KIF21A: variants seen among roughly 807,000 people sequenced by gnomAD.
KIF21A encodes the protein kinesin-like protein KIF21A.
In KIF21A, 114 loss-of-function variants were observed where a neutral mutation model predicts 202.9. The ratio of observed to expected loss-of-function variants is 0.56; its 90% CI spans 0.48 to 0.66. KIF21A has a LOEUF of 0.66. Ranked by LOEUF, KIF21A falls within the 30% of genes least tolerant of loss-of-function variation. The pLI is 0.00. For missense variants in KIF21A, 1,677 were observed against 1,994.9 expected (o/e 0.84, Z 3.04); for synonymous variants, 667 against 670.8 (o/e 0.99, Z 0.09).
Position 39,436,449 on chromosome 12 carries a change from T to TATA in KIF21A, c.44+6477_44+6478insTAT, listed in dbSNP as rs1491365902. On this transcript the variant is annotated intron_variant, in intron 1 of 37. Transcript: ENST00000361418. Reference sequence around the variant, plus strand: ...ATATATATATATATATATATATATATTTTTTTTTTTTTTAGACAGGGTTTC... The same window carrying TATA: ...ATATATATATATATATATATATATATATATTTTTTTTTTTTTAGACAGGGTTTC... 5.2e-3 allele frequency among the ~76,000 whole-genome samples: 453 copies of TATA among 86,778 alleles called. 4 individuals carry two copies. The highest frequency in any genetic ancestry group is 0.011 in the Middle Eastern group (2 of 182). The allele number at this position is 86,778 out of a possible 152,430, so 56.9% of individuals were successfully genotyped here.
chr12:39,329,906 T>A (rs954750422), intron 24 of KIF21A: 3 of 229,470 alleles, frequency 1.3e-5, no homozygotes, highest in Non-Finnish European at 2.6e-5. Flanking sequence ...ATAGATATAT[T>A]TAAAAATTTT....
intron 1 of KIF21A, among the ~76,000 whole-genome samples, chr12:39,419,132 G>T (rs1272528844): frequency 6.6e-6 from 1 of 152,168 alleles, no homozygotes; most frequent in Non-Finnish European, 1.5e-5. Flanking sequence ...TGACATGGAA[G>T]GGTATGGTTT....
At chr12:39,434,539 AG>A (rs1938414120) in intron 1 of KIF21A, among the ~76,000 whole-genome samples, 1 of 152,226 alleles carries the variant, frequency 6.6e-6, no homozygotes, top group African/African-American at 2.4e-5. Flanking sequence ...TCTCAAATCC[AG>A]GGGAGAATTA....
Position 39,341,617 on chromosome 12 carries a change from T to G in KIF21A, c.1809A>C (p.Glu603Asp). The G allele has an allele frequency of 6.2e-7, 1 of 1,607,334 alleles. No individual in the cohort carries two copies. Among genetic ancestry groups the G allele is most frequent in the Non-Finnish European group, 8.5e-7 (1 of 1,176,846 alleles). ...CCTCATGATCACTCACTTCTTGACT[T>G]TCTTCCTAAAATGTGATTTGTAAAA... ...ERENNELEVE[E>D]SQEVSDHEDE... The change falls in exon 14 of 38, where the codon GAA becomes GAC. Residue 603 changes from glutamate (E) to aspartate (D), a missense_variant. Around this residue, in one of 3 missense-constraint regions of KIF21A, gnomAD observed 966 missense variants for 1,180.9 expected, o/e 0.82. Transcript: ENST00000361418.
intron 1 of KIF21A, among the ~76,000 whole-genome samples, chr12:39,433,743 C>A (rs770898001): frequency 2.4e-4 from 37 of 152,154 alleles, no homozygotes; most frequent in Non-Finnish European, 4.0e-4. Context: ...ATAGTGAATT[C>A]TAATAAACTA....
rs1240274131 is a variant in KIF21A, at chr12:39,397,310, A to C, written c.45-27049T>G. ...AATTGATGGGAAATAATACTAAATTATTTTAAATTATAATGTCTACAGCAG... is the reference window on the plus strand; with the variant it reads ...AATTGATGGGAAATAATACTAAATTCTTTTAAATTATAATGTCTACAGCAG... On this transcript the variant is annotated intron_variant, in intron 1 of 37. Transcript: ENST00000361418. Among the ~76,000 whole-genome samples, 3 of 152,180 alleles carry C rather than the reference A, an allele frequency of 2.0e-5. No homozygotes were observed. The East Asian group carries it at 5.8e-4, about 29-fold the overall frequency.
intron 1 of KIF21A, among the ~76,000 whole-genome samples, chr12:39,372,609 A>G (rs1950033910): frequency 6.6e-6 from 1 of 152,228 alleles, no homozygotes; most frequent in African/African-American, 2.4e-5. Context: ...GTGTACTGTA[A>G]TACATATTAA....
rs986920207 is a variant in KIF21A at position 39,442,922 on chromosome 12, C to T, written c.44+5G>A. 9.7e-5 allele frequency: 148 copies of T among 1,525,416 alleles called. No individual in the cohort carries two copies. The highest frequency in any genetic ancestry group is 1.3e-4 in the Non-Finnish European group (145 of 1,143,116). The allele number at this position is 1,525,416 out of a possible 1,614,324, so 94.5% of individuals were successfully genotyped here. On this transcript the variant is annotated splice_donor_5th_base_variant and intron_variant, in intron 1 of 37. Coordinates refer to ENST00000361418, the MANE Select transcript of KIF21A (RefSeq NM_001173464.2). This position sits in a 1 kb window ranked among gnomAD's most constrained non-coding sequence, Gnocchi z 5.0. ...CGCCGCCCGCCGCCGGCAGACTGTC[C>T]TCACCTGACAGCCACCCGCACGGAG... is the stretch of plus-strand genomic sequence containing the variant.
intron 16 of KIF21A, among the ~76,000 whole-genome samples, chr12:39,337,821 T>G (rs1947108681): frequency 6.6e-6 from 1 of 152,180 alleles, no homozygotes; most frequent in Admixed American, 6.5e-5. Context: ...TGTAATAATG[T>G]CATAACATCA....
chr12:39,401,636 A>C (rs1468029226), intron 1 of KIF21A, among the ~76,000 whole-genome samples: 1 of 152,180 alleles, frequency 6.6e-6, no homozygotes, highest in Non-Finnish European at 1.5e-5. Flanking sequence ...CATGGGAGGA[A>C]CGCTTGGCTA....
chr12:39,326,821 C>T (rs998186046), intron 24 of KIF21A, among the ~76,000 whole-genome samples: 1 of 152,090 alleles, frequency 6.6e-6, no homozygotes, highest in Non-Finnish European at 1.5e-5. Context: ...TGCCTACATA[C>T]AGAGAGAAGG....
At chr12:39,388,686 A>G (rs1330012732) in intron 1 of KIF21A, among the ~76,000 whole-genome samples, 1 of 152,174 alleles carries the variant, frequency 6.6e-6, no homozygotes, top group East Asian at 1.9e-4. Context: ...TAACTTACAC[A>G]TGCTTATAAA....
At chr12:39,323,014 A>G in intron 26 of KIF21A, 132 bp from the exon 27 acceptor site, 1 of 550,602 alleles carries the variant, frequency 1.8e-6, no homozygotes, top group Non-Finnish European at 2.9e-6. Flanking sequence ...TGCCAAACAT[A>G]GCATGTGAGA....
Position 39,303,040 on chromosome 12 carries a change from T to C in KIF21A, c.4656A>G (p.Gln1552=), listed in dbSNP as rs1176060220. ...TAGACCCACTAAATAGGTTATCCCC[T>C]TGAATGGTTAGTGCTTCTATGCCAT... ...HYDGIEALTI[Q]GDNLFSGSRD... is the part of the protein sequence containing the mutation. The change falls in exon 36 of 38, where the codon CAA becomes CAG. Residue 1552 remains glutamine (Q), a synonymous_variant. Transcript: ENST00000361418. The C allele has an allele frequency of 1.9e-6, 3 of 1,614,032 alleles. No homozygotes were observed. The highest frequency in any genetic ancestry group is 2.7e-5 in the African/African-American group (2 of 75,044).
At chr12:39,415,315 C>T (rs1398945003) in intron 1 of KIF21A, among the ~76,000 whole-genome samples, 8 of 141,834 alleles carry the variant, frequency 5.6e-5, no homozygotes, top group Admixed American at 1.5e-4. Context: ...TCTCGAATCA[C>T]GGCAAGCTCC....
chr12:39,320,547 C>T (rs2137681462), intron 27 of KIF21A, among the ~76,000 whole-genome samples: 1 of 151,498 alleles, frequency 6.6e-6, no homozygotes, highest in Non-Finnish European at 1.5e-5. Flanking sequence ...AGTATTCTGG[C>T]CTTAAATATT....
chr12:39,430,891 C>CATGG (rs1457792139), intron 1 of KIF21A, among the ~76,000 whole-genome samples: 1 of 152,182 alleles, frequency 6.6e-6, no homozygotes, highest in East Asian at 1.9e-4. Flanking sequence ...CACACACCCT[C>CATGG]CCTCTTGCCA....
chr12:39,327,656 T>TG (rs1946087561), intron 24 of KIF21A, among the ~76,000 whole-genome samples: 2 of 152,212 alleles, frequency 1.3e-5, no homozygotes, highest in Admixed American at 6.5e-5. Flanking sequence ...TTAGAGATAA[T>TG]GGTGTCTTGA....
chr12:39,295,692 G>GGTT (rs1426585743), intron 37 of KIF21A, among the ~76,000 whole-genome samples: 14 of 78,086 alleles, frequency 1.8e-4, no homozygotes, highest in Non-Finnish European at 2.0e-4. Flanking sequence ...CTTGGGATAT[G>GGTT]TTTTTTTTTT....
Sources: allele counts gnomAD v4.1 joint callset (sites outside exome capture counted in the v4.1 genomes callset), GRCh38; gene constraint gnomAD v4.1.1; regional missense constraint gnomAD v4.1.1; non-coding constraint Gnocchi (gnomAD v3.1); transcripts MANE v1.5; gene names NCBI Gene and HGNC (gene_info 2026-07-23, HGNC 2026-07-21).